NHSL1: variants seen among roughly 807,000 people sequenced by gnomAD.
NHSL1 encodes the protein NHS like 1, also known as NHS-like protein 1.
Under a neutral mutation model 95.0 loss-of-function variants are expected in NHSL1, and 48 were observed. That is an observed-to-expected ratio of 0.51 (90% CI 0.40 to 0.64). The LOEUF (loss-of-function observed/expected upper bound fraction) is 0.64, where lower values mean the gene tolerates loss of function less well. Ranked by LOEUF, NHSL1 falls within the 30% of genes least tolerant of loss-of-function variation. The pLI is 0.00. For synonymous variants in NHSL1, 783 were observed against 833.9 expected (o/e 0.94, Z 1.05); for missense variants, 1,971 against 2,077.7 (o/e 0.95, Z 1.00).
chr6:138,466,287 C>T (rs940136855), intron 3 of NHSL1, among the ~76,000 whole-genome samples: 3 of 151,758 alleles, frequency 2.0e-5, no homozygotes, highest in African/African-American at 7.3e-5. Flanking sequence ...GTGATCCACC[C>T]GCCTCAGCCT....
chr6:138,663,440 T>C (rs993623959), intron 1 of NHSL1, among the ~76,000 whole-genome samples: 2 of 150,164 alleles, frequency 1.3e-5, no homozygotes, highest in African/African-American at 2.5e-5. Context: ...ATGCCTGTAA[T>C]CTCAGCTACG....
intron 1 of NHSL1, among the ~76,000 whole-genome samples, chr6:138,529,712 C>T (rs1305378595): frequency 2.6e-5 from 4 of 152,186 alleles, no homozygotes; most frequent in Non-Finnish European, 5.9e-5. Flanking sequence ...CCAGCAACAG[C>T]GTACTGACTC....
chr6:138,553,637 T>C (rs1318754590), intron 1 of NHSL1, among the ~76,000 whole-genome samples: 1 of 152,196 alleles, frequency 6.6e-6, no homozygotes, highest in Non-Finnish European at 1.5e-5. Flanking sequence ...ATAAGACACA[T>C]AACCACCAGC....
intron 2 of NHSL1, among the ~76,000 whole-genome samples, chr6:138,494,310 T>G (rs1039630137): frequency 6.6e-6 from 1 of 152,216 alleles, no homozygotes; most frequent in Non-Finnish European, 1.5e-5. Flanking sequence ...AATAAATCAT[T>G]GTTAAAGGCA....
intron 1 of NHSL1, among the ~76,000 whole-genome samples, chr6:138,670,856 A>G (rs935651593): frequency 2.6e-5 from 4 of 152,078 alleles, no homozygotes; most frequent in African/African-American, 7.2e-5. Context: ...AAGAAAGAAT[A>G]AGAAATGGAC....
intron 1 of NHSL1, among the ~76,000 whole-genome samples, chr6:138,654,268 T>G (rs1341489908): frequency 1.3e-5 from 2 of 152,152 alleles, no homozygotes; most frequent in East Asian, 3.8e-4. Context: ...CTTAATATGC[T>G]TGCAAAAAAA....
chr6:138,478,235 C>T (rs1436508506), intron 2 of NHSL1, among the ~76,000 whole-genome samples: 1 of 151,762 alleles, frequency 6.6e-6, no homozygotes, highest in East Asian at 1.9e-4. Context: ...CCTGCCTTGG[C>T]CTCCCAAAGT....
chr6:138,513,340 G>A (rs1438813519), intron 1 of NHSL1, among the ~76,000 whole-genome samples: 1 of 152,058 alleles, frequency 6.6e-6, no homozygotes, highest in African/African-American at 2.4e-5. Context: ...ACACATTTAT[G>A]AATAAACCTA....
intron 1 of NHSL1, among the ~76,000 whole-genome samples, chr6:138,577,921 C>G (rs144591298): frequency 1.3e-5 from 2 of 152,174 alleles, no homozygotes; most frequent in Admixed American, 1.3e-4. Context: ...ACATTAAATC[C>G]TTCTTCCTTT....
chr6:138,576,543 T>C (rs955274478), upstream of NHSL1, among the ~76,000 whole-genome samples: 1 of 152,200 alleles, frequency 6.6e-6, no homozygotes, highest in African/African-American at 2.4e-5. Context: ...TGCCAATAAC[T>C]GCTCCCTTCC....
intron 4 of NHSL1, among the ~76,000 whole-genome samples, chr6:138,442,704 C>T (rs1389245352): frequency 6.6e-6 from 1 of 152,080 alleles, no homozygotes; most frequent in African/African-American, 2.4e-5. Flanking sequence ...GTACTTTTAC[C>T]ACAATGAGAC....
intron 1 of NHSL1, among the ~76,000 whole-genome samples, chr6:138,624,502 G>A (rs941931767): frequency 2.6e-5 from 4 of 152,012 alleles, no homozygotes; most frequent in South Asian, 2.1e-4. Flanking sequence ...ATTCATTCAC[G>A]TATACACACT....
chr6:138,519,041 AATAAATAAATAC>A (rs746684030), intron 1 of NHSL1, among the ~76,000 whole-genome samples: 3 of 151,984 alleles, frequency 2.0e-5, no homozygotes, highest in Admixed American at 1.3e-4. Context: ...TAAATAAATA[AATAAATAAATAC>A]ATACATACAT....
chr6:138,615,782 C>G (rs1784570853), intron 1 of NHSL1, among the ~76,000 whole-genome samples: 1 of 152,216 alleles, frequency 6.6e-6, no homozygotes, highest in Non-Finnish European at 1.5e-5. Context: ...AAATCAGGTT[C>G]TTAAGAAGAG....
At chr6:138,666,494 G>A (rs6570256) in intron 1 of NHSL1, among the ~76,000 whole-genome samples, 6,021 of 151,152 alleles carry the variant, frequency 0.04, 317 homozygotes, top group African/African-American at 0.12. Flanking sequence ...AGGGAGGCTG[G>A]GGCAGGAGAA....
chr6:138,439,679 C>G (rs113154443), intron 5 of NHSL1, among the ~76,000 whole-genome samples: 1,982 of 152,286 alleles, frequency 0.013, 39 homozygotes, highest in African/African-American at 0.045. Flanking sequence ...AAAACTAGCT[C>G]TTAGATACGG....
chr6:138,487,715 T>C (rs1196855705), intron 2 of NHSL1, among the ~76,000 whole-genome samples: 1 of 152,220 alleles, frequency 6.6e-6, no homozygotes, highest in Non-Finnish European at 1.5e-5. Context: ...TGACTTCCAA[T>C]ATCCTGCAGC....
chr6:138,601,755 T>C (rs1225044355), intron 1 of NHSL1, among the ~76,000 whole-genome samples: 1 of 151,838 alleles, frequency 6.6e-6, no homozygotes, highest in African/African-American at 2.4e-5. Context: ...GAGGTTGCAG[T>C]GAACCGAGAT....
chr6:138,466,030 A>C (rs1778344852), intron 3 of NHSL1, among the ~76,000 whole-genome samples: 1 of 121,296 alleles, frequency 8.2e-6, no homozygotes, highest in African/African-American at 3.4e-5. Flanking sequence ...GGCCCCACAT[A>C]CACTCCTTTT....
Sources: allele counts gnomAD v4.1 joint callset (sites outside exome capture counted in the v4.1 genomes callset), GRCh38; gene constraint gnomAD v4.1.1; transcripts MANE v1.5; gene names NCBI Gene and HGNC (gene_info 2026-07-23, HGNC 2026-07-21).